ADGRV1: variants seen among roughly 807,000 people sequenced by gnomAD.
ADGRV1 encodes adhesion G protein-coupled receptor V1.
ADGRV1 carries 359 observed loss-of-function variants against 596.2 expected under a neutral mutation model. That is an observed-to-expected ratio of 0.60 (90% CI 0.55 to 0.66). ADGRV1 has a LOEUF of 0.66. ADGRV1 is among the 30% of genes least tolerant of loss of function. The pLI is 0.00. For missense variants in ADGRV1, 7,274 were observed against 7,575.6 expected (o/e 0.96, Z 1.48); for synonymous variants, 2,681 against 2,679.2 (o/e 1.00, Z -0.02).
At chr5:91,029,746 C>A (rs1784325783) in intron 85 of ADGRV1, among the ~76,000 whole-genome samples, 1 of 151,914 alleles carries the variant, frequency 6.6e-6, no homozygotes, top group South Asian at 2.1e-4. Flanking sequence ...CAATTAAATA[C>A]ATTGCAAATA....
chr5:90,703,120 T>C (rs974575765), intron 34 of ADGRV1, among the ~76,000 whole-genome samples: 2 of 152,106 alleles, frequency 1.3e-5, no homozygotes, highest in Non-Finnish European at 2.9e-5. Flanking sequence ...GTTACAGATG[T>C]TGATGTACAG....
intron 83 of ADGRV1, among the ~76,000 whole-genome samples, chr5:90,879,403 C>CA (rs1362026559): frequency 9.2e-5 from 14 of 151,644 alleles, no homozygotes; most frequent in African/African-American, 2.9e-4. Context: ...AGTATTCATT[C>CA]AAAAAAACAG....
At chr5:90,903,146 A>G (rs1251452469) in intron 83 of ADGRV1, among the ~76,000 whole-genome samples, 1 of 152,070 alleles carries the variant, frequency 6.6e-6, no homozygotes, top group African/African-American at 2.4e-5. Context: ...AGATTTACCA[A>G]CTTAAGAATG....
intron 84 of ADGRV1, among the ~76,000 whole-genome samples, chr5:90,968,793 G>T (rs1778697708): frequency 6.6e-6 from 1 of 152,218 alleles, no homozygotes; most frequent in African/African-American, 2.4e-5. Context: ...GAATTAGGTT[G>T]AATAAAATTG....
intron 84 of ADGRV1, among the ~76,000 whole-genome samples, chr5:90,982,900 A>G (rs901998993): frequency 5.9e-4 from 90 of 152,344 alleles, no homozygotes; most frequent in Admixed American, 3.2e-3. Context: ...GCATTTGTCC[A>G]AAAATGTGCC....
At chr5:90,742,533 A>G (rs1175318083) in intron 50 of ADGRV1, among the ~76,000 whole-genome samples, 3 of 152,164 alleles carry the variant, frequency 2.0e-5, no homozygotes, top group Non-Finnish European at 4.4e-5. Context: ...TATGGTCTTT[A>G]TCCTAAAAGT....
rs764455116 is a variant in ADGRV1 at position 90,619,057 on chromosome 5, A to G, written c.358-29A>G. 7 of 1,038,502 alleles carry G rather than the reference A, an allele frequency of 6.7e-6. No individual in the cohort carries two copies. The South Asian group carries it at 1.3e-4, about 19-fold the overall frequency. 64.3% of individuals were successfully genotyped at this position (1,038,502 alleles called of 1,614,324 possible). A position where few individuals can be genotyped will look rare whatever the true frequency, so the allele number is the denominator to read the frequency against. On this transcript the variant is annotated intron_variant, in intron 3 of 89. Coordinates refer to ENST00000405460, the MANE Select transcript of ADGRV1 (RefSeq NM_032119.4). The stretch of plus-strand genomic sequence containing the variant: ...TAACTTATTATTTTATTTTTAATTC[A>G]TTATTTTATTTTTGGGATTTTATTT...
At chr5:90,882,402 G>A (rs1037203839) in intron 83 of ADGRV1, among the ~76,000 whole-genome samples, 8 of 152,214 alleles carry the variant, frequency 5.3e-5, no homozygotes, top group African/African-American at 1.2e-4. Flanking sequence ...ATTTCCTGAT[G>A]TGGAGAGAAA....
chr5:90,728,576 G>T (rs1362492144), intron 48 of ADGRV1, 93 bp from the exon 49 acceptor site: 8 of 1,034,924 alleles, frequency 7.7e-6, no homozygotes, highest in Non-Finnish European at 1.4e-6. Context: ...TAAATAAAAG[G>T]ATCCAAGAGA....
chr5:90,577,677 G>A (rs889932491), intron 1 of ADGRV1, among the ~76,000 whole-genome samples: 1 of 152,144 alleles, frequency 6.6e-6, no homozygotes, highest in East Asian at 1.9e-4. Flanking sequence ...GCTTGATGGG[G>A]ATAACATTGA....
chr5:90,635,035 CA>C, intron 9 of ADGRV1, 78 bp from the exon 10 acceptor site: 1 of 834,432 alleles, frequency 1.2e-6, no homozygotes, highest in Non-Finnish European at 1.9e-6. Context: ...CTTACTTTGT[CA>C]CCCCATGCTG....
At chr5:90,640,302 C>T (rs1254184160) in intron 11 of ADGRV1, among the ~76,000 whole-genome samples, 1 of 152,124 alleles carries the variant, frequency 6.6e-6, no homozygotes, top group South Asian at 2.1e-4. Context: ...TTAAAAGGTG[C>T]AATGATATGG....
At chr5:90,923,903 A>G (rs1581524718) in intron 83 of ADGRV1, among the ~76,000 whole-genome samples, 1 of 151,422 alleles carries the variant, frequency 6.6e-6, no homozygotes, top group Non-Finnish European at 1.5e-5. Flanking sequence ...TTCTTGCGAT[A>G]GTTTACTAAG....
intron 85 of ADGRV1, among the ~76,000 whole-genome samples, chr5:91,016,548 C>T (rs1783189233): frequency 6.6e-6 from 1 of 151,932 alleles, no homozygotes; most frequent in Admixed American, 6.6e-5. Flanking sequence ...ATTCACTGTC[C>T]TCTGCATCAT....
chr5:90,721,227 A>G (rs963993881), intron 45 of ADGRV1, among the ~76,000 whole-genome samples, 168 bp downstream of exon 45: 1 of 152,116 alleles, frequency 6.6e-6, no homozygotes, highest in Non-Finnish European at 1.5e-5. Flanking sequence ...CTGGGCGCTC[A>G]TGTGTTGAGG....
chr5:90,890,794 C>T (rs960531686), intron 83 of ADGRV1, among the ~76,000 whole-genome samples: 1 of 152,140 alleles, frequency 6.6e-6, no homozygotes, highest in Admixed American at 6.6e-5. Context: ...ATATTTCTAT[C>T]AGTGCCATGT....
At chr5:90,635,699 TC>T (rs1766108353) in intron 10 of ADGRV1, among the ~76,000 whole-genome samples, 1 of 151,974 alleles carries the variant, frequency 6.6e-6, no homozygotes, top group South Asian at 2.1e-4. Context: ...CAATAGATCC[TC>T]CCACCTCAGC....
intron 6 of ADGRV1, 132 bp downstream of exon 6, chr5:90,625,375 T>A (rs1410483285): frequency 1.9e-6 from 1 of 540,410 alleles, no homozygotes; most frequent in African/African-American, 1.9e-5. Flanking sequence ...TACATCTTAT[T>A]ACTATTTATC....
chr5:90,661,942 T>C (rs115104361), intron 21 of ADGRV1, among the ~76,000 whole-genome samples: 2,319 of 152,312 alleles, frequency 0.015, 22 homozygotes, highest in Non-Finnish European at 0.023. Context: ...TTGGATGACC[T>C]TGTCAGAAAT....
Sources: allele counts gnomAD v4.1 joint callset (sites outside exome capture counted in the v4.1 genomes callset), GRCh38; gene constraint gnomAD v4.1.1; transcripts MANE v1.5; gene names NCBI Gene and HGNC (gene_info 2026-07-23, HGNC 2026-07-21).